SLC10A7: variants seen among roughly 807,000 people sequenced by gnomAD.
SLC10A7 encodes solute carrier family 10 member 7, also known as sodium/bile acid cotransporter 7.
SLC10A7 carries 29 observed loss-of-function variants against 43.2 expected under a neutral mutation model. The ratio of observed to expected loss-of-function variants is 0.67; its 90% CI spans 0.50 to 0.92. SLC10A7 has a LOEUF of 0.92. Ranked by LOEUF, SLC10A7 falls within the 40% of genes least tolerant of loss-of-function variation. The probability of loss-of-function intolerance (pLI) is 0.00; values close to 1 mark genes in which losing one functional copy is unlikely to be tolerated. For synonymous variants in SLC10A7, 152 were observed against 144.8 expected (o/e 1.05, Z -0.35); for missense variants, 295 against 403.2 (o/e 0.73, Z 2.30).
At chr4:146,514,953 G>C (rs1737810911) in intron 2 of SLC10A7, 1 of 558,230 alleles carries the variant, frequency 1.8e-6, no homozygotes, top group Non-Finnish European at 3.2e-6. Context: ...GGCTTTGATT[G>C]CTGCTTAGAT....
intron 6 of SLC10A7, among the ~76,000 whole-genome samples, chr4:146,314,085 G>C (rs180809122): frequency 2.6e-5 from 4 of 152,134 alleles, no homozygotes; most frequent in African/African-American, 4.8e-5. Flanking sequence ...GGCTGAAAGC[G>C]TCTTGTGTTC....
chr4:146,346,934 T>C (rs1172821795), intron 5 of SLC10A7, among the ~76,000 whole-genome samples: 3 of 152,026 alleles, frequency 2.0e-5, no homozygotes, highest in African/African-American at 7.2e-5. Context: ...GAAACAAAGA[T>C]AAAGGTGGCC....
Position 146,255,512 on chromosome 4 carries a change from T to C in SLC10A7, c.*979A>G, listed in dbSNP as rs1560736313. On this transcript the variant is annotated 3_prime_UTR_variant, in exon 12 of 12. Transcript: ENST00000335472. ...AGGAAATTTTCATTAATAAATTGTC[T>C]CAAATACCTTAAGTGTGCTTAATTC... is the stretch of plus-strand genomic sequence containing the variant. 2.0e-5 allele frequency: 3 copies of C among 152,604 alleles called. No individual in the cohort carries two copies. In the South Asian group the frequency reaches 6.2e-4, roughly 32 times the overall value. The allele number at this position is 152,604 out of a possible 1,614,324, so 9.5% of individuals were successfully genotyped here.
chr4:146,467,852 C>T (rs1181089641), intron 4 of SLC10A7, among the ~76,000 whole-genome samples: 11 of 152,102 alleles, frequency 7.2e-5, no homozygotes, highest in Admixed American at 2.0e-4. Context: ...CATGAGCCAC[C>T]GCACCTGGCC....
At chr4:146,455,892 A>G (rs893259469) in intron 4 of SLC10A7, among the ~76,000 whole-genome samples, 2 of 151,898 alleles carry the variant, frequency 1.3e-5, no homozygotes, top group African/African-American at 2.4e-5. Context: ...TTCTAATGTT[A>G]GGTCCCCTGA....
chr4:146,507,098 A>G (rs541141865), intron 3 of SLC10A7, among the ~76,000 whole-genome samples: 42 of 152,222 alleles, frequency 2.8e-4, no homozygotes, highest in Non-Finnish European at 3.5e-4. Context: ...TACGTTATTA[A>G]CTATAGTTAC....
At chr4:146,501,034 C>T (rs6537425) in intron 4 of SLC10A7, among the ~76,000 whole-genome samples, 121,634 of 152,072 alleles carry the variant, frequency 0.8, 49,108 homozygotes, top group East Asian at 0.96. Flanking sequence ...TTTTTCCTGC[C>T]CTCATTATTG....
At chr4:146,393,753 C>G (rs1244866511) in intron 5 of SLC10A7, among the ~76,000 whole-genome samples, 1 of 152,090 alleles carries the variant, frequency 6.6e-6, no homozygotes, top group Non-Finnish European at 1.5e-5. Flanking sequence ...AAATTATTAC[C>G]AAATACTGTA....
chr4:146,368,914 T>C (rs1235040800), intron 5 of SLC10A7, among the ~76,000 whole-genome samples: 1 of 152,194 alleles, frequency 6.6e-6, no homozygotes, highest in East Asian at 1.9e-4. Flanking sequence ...AACTTTAAAG[T>C]TTTCCTAGGC....
chr4:146,458,673 C>T (rs191755699), intron 4 of SLC10A7, among the ~76,000 whole-genome samples: 1 of 151,850 alleles, frequency 6.6e-6, no homozygotes, highest in Admixed American at 6.6e-5. Flanking sequence ...CTGCTGTATC[C>T]AATCATTGTA....
intron 5 of SLC10A7, among the ~76,000 whole-genome samples, chr4:146,351,044 C>T (rs936775267): frequency 5.9e-5 from 9 of 151,388 alleles, no homozygotes; most frequent in Middle Eastern, 3.4e-3. Flanking sequence ...ATGATTTTGA[C>T]GAGCTGAGAG....
At chr4:146,484,817 T>C (rs1025581382) in intron 4 of SLC10A7, among the ~76,000 whole-genome samples, 3 of 152,104 alleles carry the variant, frequency 2.0e-5, no homozygotes, top group Non-Finnish European at 2.9e-5. Flanking sequence ...AAATAAGAAA[T>C]TTTAAATTAG....
At chr4:146,329,725 G>A (rs144901176) in intron 5 of SLC10A7, among the ~76,000 whole-genome samples, 26 of 152,268 alleles carry the variant, frequency 1.7e-4, no homozygotes, top group African/African-American at 5.1e-4. Flanking sequence ...ATGTCATATG[G>A]CAGATACATT....
intron 9 of SLC10A7, among the ~76,000 whole-genome samples, chr4:146,289,872 C>T (rs111849254): frequency 0.063 from 9,448 of 150,042 alleles, 403 homozygotes; most frequent in South Asian, 0.2. Context: ...CACGCCACCA[C>T]GCTGGGCTAA....
At chr4:146,350,623 A>C (rs1735006477) in intron 5 of SLC10A7, among the ~76,000 whole-genome samples, 1 of 130,894 alleles carries the variant, frequency 7.6e-6, no homozygotes, top group Non-Finnish European at 1.6e-5. Context: ...TGCAGACTTA[A>C]GTGTCCCTGT....
At chr4:146,372,136 G>T (rs947891307) in intron 5 of SLC10A7, among the ~76,000 whole-genome samples, 17 of 152,142 alleles carry the variant, frequency 1.1e-4, no homozygotes, top group African/African-American at 3.9e-4. Context: ...TTAAGGCAGA[G>T]CTGAGAAAAC....
intron 4 of SLC10A7, among the ~76,000 whole-genome samples, chr4:146,450,758 T>C (rs571158328): frequency 2.0e-5 from 3 of 152,212 alleles, no homozygotes; most frequent in Non-Finnish European, 2.9e-5. Context: ...AATTTCAAAC[T>C]AACAATTTAT....
At chr4:146,266,217 A>G (rs1375554477) in intron 10 of SLC10A7, among the ~76,000 whole-genome samples, 1 of 152,194 alleles carries the variant, frequency 6.6e-6, no homozygotes, top group East Asian at 1.9e-4. Flanking sequence ...ATGTCCTAAC[A>G]CTGTTATTTG....
At chr4:146,307,278 GCTGT>G (rs1278596466) in intron 6 of SLC10A7, among the ~76,000 whole-genome samples, 5 of 152,114 alleles carry the variant, frequency 3.3e-5, no homozygotes, top group African/African-American at 4.8e-5. Flanking sequence ...CTGACCACTG[GCTGT>G]CTATTTAACC....
Sources: allele counts gnomAD v4.1 joint callset (sites outside exome capture counted in the v4.1 genomes callset), GRCh38; gene constraint gnomAD v4.1.1; transcripts MANE v1.5; gene names NCBI Gene and HGNC (gene_info 2026-07-23, HGNC 2026-07-21).